Variants in RHOT1 observed in about 807,000 individuals in gnomAD.
RHOT1 encodes mitochondrial Rho GTPase 1.
A neutral mutation model predicts 95.3 loss-of-function variants in RHOT1; 27 were observed. That is an observed-to-expected ratio of 0.28 (90% confidence interval 0.21 to 0.39). RHOT1 has a LOEUF of 0.39. Among genes scored for constraint, RHOT1 ranks in the 10% least tolerant of loss-of-function variants. The pLI, the probability that RHOT1 is intolerant of heterozygous loss-of-function variation, is 1.00. For missense variants in RHOT1, 578 were observed against 786.7 expected, an observed-to-expected ratio of 0.73 and a Z score of 3.17; for synonymous variants, 227 against 263.5, an observed-to-expected ratio of 0.86 and a Z score of 1.34.
chr17:32,154,286 A>T (rs1436730010), intron 1 of RHOT1, among the ~76,000 whole-genome samples: 4 of 132,646 alleles, frequency 3.0e-5, no homozygotes, highest in South Asian at 4.5e-4. Context: ...ACGAGAAATT[A>T]AAAAAAAAAA....
chr17:32,168,906 A>G (rs1413397438), intron 1 of RHOT1, among the ~76,000 whole-genome samples: 1 of 152,152 alleles, frequency 6.6e-6, no homozygotes, highest in East Asian at 1.9e-4. Context: ...GACATTGTTA[A>G]CTAGATTCTA....
intron 1 of RHOT1, among the ~76,000 whole-genome samples, chr17:32,153,151 T>C (rs987750365): frequency 6.6e-6 from 1 of 152,196 alleles, no homozygotes; most frequent in Non-Finnish European, 1.5e-5. Flanking sequence ...TTTTTTTCTT[T>C]CTGAAACTGA....
chr17:32,148,132 G>T (rs1044929948), intron 1 of RHOT1, among the ~76,000 whole-genome samples: 11 of 152,166 alleles, frequency 7.2e-5, no homozygotes, highest in African/African-American at 2.7e-4. Context: ...AGGCGTGGTG[G>T]CAGGTGCCTG....
chr17:32,190,592 T>G (rs2036417484), intron 8 of RHOT1, among the ~76,000 whole-genome samples: 1 of 152,250 alleles, frequency 6.6e-6, no homozygotes. Flanking sequence ...TGCTATTGCT[T>G]CTTTTGGAAA....
chr17:32,218,907 A>C (rs1434670246), intron 19 of RHOT1, among the ~76,000 whole-genome samples: 1 of 152,206 alleles, frequency 6.6e-6, no homozygotes, highest in Admixed American at 6.5e-5. Flanking sequence ...CAAATGAGAA[A>C]AAGCTAAATA....
chr17:32,215,572 G>A (rs1279509550), intron 19 of RHOT1, among the ~76,000 whole-genome samples: 3 of 151,820 alleles, frequency 2.0e-5, no homozygotes, highest in South Asian at 2.1e-4. Context: ...AGTGATGTTA[G>A]TCCTTCATGC....
intron 1 of RHOT1, among the ~76,000 whole-genome samples, chr17:32,163,388 G>A (rs57434356): frequency 0.011 from 1,675 of 152,238 alleles, 30 homozygotes; most frequent in African/African-American, 0.038. Context: ...ATGATGAATC[G>A]GAGATGGTAC....
At chr17:32,148,093 G>A (rs1041816062) in intron 1 of RHOT1, among the ~76,000 whole-genome samples, 4 of 152,038 alleles carry the variant, frequency 2.6e-5, no homozygotes, top group African/African-American at 4.8e-5. Context: ...GTGAAACCTC[G>A]TCTCTACTAA....
intron 4 of RHOT1, 22 bp from the exon 5 acceptor site, chr17:32,175,940 A>G: frequency 6.7e-7 from 1 of 1,482,930 alleles, no homozygotes; most frequent in Non-Finnish European, 9.1e-7. Context: ...AGATACGATT[A>G]ATTTGTTAAT....
intron 1 of RHOT1, chr17:32,151,053 T>A: frequency 7.4e-7 from 1 of 1,358,826 alleles, no homozygotes; most frequent in Non-Finnish European, 1.0e-6. Context: ...GGTCTGTTCT[T>A]GGAGAAGGCA....
intron 1 of RHOT1, among the ~76,000 whole-genome samples, chr17:32,147,551 C>T (rs1350473710): frequency 1.3e-5 from 2 of 151,948 alleles, no homozygotes; most frequent in East Asian, 1.9e-4. Context: ...TGGCCGGGCG[C>T]GGTGGCTCAC....
intron 11 of RHOT1, among the ~76,000 whole-genome samples, chr17:32,196,364 A>G (rs1440241588): frequency 6.6e-6 from 1 of 152,012 alleles, no homozygotes; most frequent in Non-Finnish European, 1.5e-5. Flanking sequence ...GATAATTTTT[A>G]AATTTTTTGT....
intron 1 of RHOT1, chr17:32,143,131 A>T: frequency 1.8e-6 from 1 of 543,396 alleles, no homozygotes; most frequent in Non-Finnish European, 3.7e-6. Flanking sequence ...TCTTCTGGAG[A>T]TTCCCTTATC....
intron 1 of RHOT1, among the ~76,000 whole-genome samples, chr17:32,148,268 A>G (rs2031684528): frequency 6.6e-6 from 1 of 152,232 alleles, no homozygotes; most frequent in African/African-American, 2.4e-5. Context: ...CCCATCTCAA[A>G]AAACAAAAAA....
At chr17:32,172,959 C>T (rs925886052) in intron 2 of RHOT1, 23 of 152,184 alleles carry the variant, frequency 1.5e-4, no homozygotes, top group Admixed American at 1.3e-3. Context: ...TTAAATACCT[C>T]CTCATTTGCA....
At chr17:32,198,225 CAG>C in intron 11 of RHOT1, among the ~76,000 whole-genome samples, 1 of 152,096 alleles carries the variant, frequency 6.6e-6, no homozygotes, top group East Asian at 1.9e-4. Flanking sequence ...GTTTATTAAA[CAG>C]AATTTAGGGT....
rs1015349891 is a variant in RHOT1 at position 32,224,823 on chromosome 17, A to G, written c.*90A>G. 1.4e-6 allele frequency: 1 copy of G among 727,302 alleles called. No individual in the cohort carries two copies. Among genetic ancestry groups the G allele is most frequent in the African/African-American group, 1.7e-5 (1 of 57,236 alleles). 45.1% of individuals were successfully genotyped at this position (727,302 alleles called of 1,614,324 possible). On this transcript the variant is annotated 3_prime_UTR_variant, in exon 20 of 20. Transcript: ENST00000545287. Reference sequence around the variant, plus strand: ...TTCTGCTAGAATTATTGAGATATTTATACATGCAGAGTTACTTTATTAATA... The same window carrying G: ...TTCTGCTAGAATTATTGAGATATTTGTACATGCAGAGTTACTTTATTAATA...
chr17:32,171,343 C>A (rs1247457823), intron 2 of RHOT1, among the ~76,000 whole-genome samples: 3 of 152,192 alleles, frequency 2.0e-5, no homozygotes, highest in Admixed American at 6.5e-5. Context: ...GTCTTGGCCT[C>A]CCAAAGTGCT....
intron 15 of RHOT1, 70 bp from the exon 16 acceptor site, chr17:32,203,820 A>C: frequency 9.3e-7 from 1 of 1,074,690 alleles, no homozygotes; most frequent in Middle Eastern, 2.0e-4. Context: ...CTGCACATAT[A>C]CACAGAGATG....
Sources: allele counts gnomAD v4.1 joint callset (sites outside exome capture counted in the v4.1 genomes callset), GRCh38; gene constraint gnomAD v4.1.1; transcripts MANE v1.5; gene names NCBI Gene and HGNC (gene_info 2026-07-23, HGNC 2026-07-21).